CFAP299: variants seen among roughly 807,000 people sequenced by gnomAD.
CFAP299 encodes cilia- and flagella-associated protein 299.
A neutral mutation model predicts 27.0 loss-of-function variants in CFAP299; 21 were observed. The ratio of observed to expected loss-of-function variants is 0.78; its 90% CI spans 0.55 to 1.12. The LOEUF (loss-of-function observed/expected upper bound fraction) is 1.12. CFAP299 is among the 50% of genes most tolerant of loss of function. The pLI is 0.00. For synonymous variants in CFAP299, 104 were observed against 98.1 expected (o/e 1.06, Z -0.36); for missense variants, 310 against 276.6 (o/e 1.12, Z -0.86).
chr4:80,575,481 A>G (rs1278255614), intron 2 of CFAP299, among the ~76,000 whole-genome samples: 1 of 151,866 alleles, frequency 6.6e-6, no homozygotes, highest in Non-Finnish European at 1.5e-5. Flanking sequence ...AGGAGCCACC[A>G]TGACCAGCTA....
In CFAP299 at chr4:80,799,814, T is replaced by TA. The variant is rs1268785550; in HGVS notation, c.334-70178dup. On this transcript the variant is annotated intron_variant, in intron 3 of 5. Transcript: ENST00000358105. ...TATTATATTATATAATATATAAATA[T>TA]ATATATTATATATATTTATATATTA... Among the ~76,000 whole-genome samples the TA allele has an allele frequency of 8.2e-4, 32 of 38,938 alleles. 4 individuals are homozygous for TA. Among genetic ancestry groups the TA allele is most frequent in the African/African-American group, 3.8e-3 (32 of 8,400 alleles). 25.5% of individuals were successfully genotyped at this position (38,938 alleles called of 152,430 possible). A position where few individuals can be genotyped will look rare whatever the true frequency, so the allele number is the denominator to read the frequency against.
At chr4:80,341,511 C>T (rs1300965716) in intron 1 of CFAP299, among the ~76,000 whole-genome samples, 2 of 152,164 alleles carry the variant, frequency 1.3e-5, no homozygotes, top group South Asian at 2.1e-4. Context: ...GTTTCACAGC[C>T]TTCACTGGTG....
chr4:80,727,299 G>A (rs376128334), intron 3 of CFAP299, among the ~76,000 whole-genome samples: 1 of 151,754 alleles, frequency 6.6e-6, no homozygotes, highest in East Asian at 1.9e-4. Flanking sequence ...TTATATAATG[G>A]TAATATTACA....
At chr4:80,933,211 C>T (rs1736715605) in intron 4 of CFAP299, among the ~76,000 whole-genome samples, 1 of 149,748 alleles carries the variant, frequency 6.7e-6, no homozygotes, top group African/African-American at 2.5e-5. Context: ...AACTTAGGAC[C>T]TACAGTACTA....
At chr4:80,420,143 G>T (rs897686574) in intron 2 of CFAP299, 11 of 454,312 alleles carry the variant, frequency 2.4e-5, no homozygotes, top group South Asian at 1.7e-4. Flanking sequence ...GTCTTGTGAT[G>T]TAAATGAAAC....
At chr4:80,594,443 G>T (rs1483426567) in intron 3 of CFAP299, among the ~76,000 whole-genome samples, 4 of 152,140 alleles carry the variant, frequency 2.6e-5, no homozygotes, top group African/African-American at 9.7e-5. Context: ...TGAGATTTGG[G>T]TGGGGACACA....
intron 3 of CFAP299, among the ~76,000 whole-genome samples, chr4:80,804,441 CAT>C (rs774216039): frequency 1.2e-4 from 19 of 152,190 alleles, no homozygotes; most frequent in South Asian, 2.1e-4. Flanking sequence ...AATGTTGTAA[CAT>C]GTGTCAGAAT....
At chr4:80,409,192 T>C (rs1352191941) in intron 2 of CFAP299, among the ~76,000 whole-genome samples, 1 of 152,044 alleles carries the variant, frequency 6.6e-6, no homozygotes. Context: ...AAATGAGAAA[T>C]TTTTGCTGGT....
chr4:80,838,778 G>GT (rs199530711), intron 3 of CFAP299, among the ~76,000 whole-genome samples: 1,762 of 152,138 alleles, frequency 0.012, 34 homozygotes, highest in African/African-American at 0.039. Flanking sequence ...ATTTTAAGTA[G>GT]TTTTTTCTAA....
intron 3 of CFAP299, among the ~76,000 whole-genome samples, chr4:80,742,473 C>T (rs763056764): frequency 1.1e-4 from 17 of 152,118 alleles, no homozygotes; most frequent in Non-Finnish European, 1.9e-4. Flanking sequence ...TCCTTGCCCT[C>T]ACAGAGGTTA....
chr4:80,735,181 C>A (rs1172911263), intron 3 of CFAP299, among the ~76,000 whole-genome samples: 3 of 151,902 alleles, frequency 2.0e-5, no homozygotes, highest in Non-Finnish European at 2.9e-5. Flanking sequence ...TGGTTAATTC[C>A]TAAGTATTTA....
chr4:80,655,591 C>CT (rs2030067942), intron 3 of CFAP299, among the ~76,000 whole-genome samples: 1 of 152,036 alleles, frequency 6.6e-6, no homozygotes, highest in African/African-American at 2.4e-5. Context: ...GAATATGTTT[C>CT]TTTTTTTCAT....
intron 2 of CFAP299, among the ~76,000 whole-genome samples, chr4:80,398,401 C>G (rs1725939279): frequency 6.6e-6 from 1 of 152,142 alleles, no homozygotes. Context: ...GCCAAAAGAA[C>G]AAAGGTGGAG....
chr4:80,940,356 G>A lies in CFAP299; in HGVS notation c.477-4454G>A, dbSNP rs1485256531. Among the ~76,000 whole-genome samples, 3 of 152,292 alleles carry A rather than the reference G, an allele frequency of 2.0e-5. No homozygotes were observed. In the East Asian group the frequency reaches 5.8e-4, roughly 29 times the overall value. On this transcript the variant is annotated intron_variant, in intron 4 of 5. Coordinates refer to ENST00000358105, the MANE Select transcript of CFAP299 (RefSeq NM_152770.3). ...GGTACCATTCCATAAGACTGGGGAA[G>A]CTAGGCCCTCACTCAGCTATCATTT...
At chr4:80,524,050 T>A (rs1322749860) in intron 2 of CFAP299, among the ~76,000 whole-genome samples, 2 of 152,000 alleles carry the variant, frequency 1.3e-5, no homozygotes, top group East Asian at 3.9e-4. Context: ...GTAAATGAGA[T>A]CATCAAAGGA....
chr4:80,697,546 C>T (rs979194828), intron 3 of CFAP299, among the ~76,000 whole-genome samples: 10 of 152,186 alleles, frequency 6.6e-5, no homozygotes, highest in Admixed American at 4.6e-4. Flanking sequence ...ATCAATTGTT[C>T]TTAATCTTTT....
At chr4:80,556,026 T>A (rs1346245718) in intron 2 of CFAP299, among the ~76,000 whole-genome samples, 1 of 152,026 alleles carries the variant, frequency 6.6e-6, no homozygotes, top group Non-Finnish European at 1.5e-5. Context: ...AAAAACAAAA[T>A]GAAAACAATC....
At chr4:80,489,369 T>C (rs1330436138) in intron 2 of CFAP299, among the ~76,000 whole-genome samples, 1 of 151,948 alleles carries the variant, frequency 6.6e-6, no homozygotes, top group African/African-American at 2.4e-5. Flanking sequence ...GGGAAGGAGG[T>C]GGTGGTCAAT....
chr4:80,565,801 G>A (rs1041074730), intron 2 of CFAP299, among the ~76,000 whole-genome samples: 3 of 151,986 alleles, frequency 2.0e-5, no homozygotes, highest in Non-Finnish European at 4.4e-5. Context: ...TAATAATATT[G>A]GCAATTTTGT....
Sources: allele counts gnomAD v4.1 joint callset (sites outside exome capture counted in the v4.1 genomes callset), GRCh38; gene constraint gnomAD v4.1.1; transcripts MANE v1.5; gene names NCBI Gene and HGNC (gene_info 2026-07-23, HGNC 2026-07-21).